The following ATXN3 variants were observed in gnomAD, a reference collection of about 807,000 sequenced individuals.
The protein encoded by ATXN3 is ataxin-3.
Under a neutral mutation model 58.2 loss-of-function variants are expected in ATXN3, and 28 were observed. That is an observed-to-expected ratio of 0.48 (90% CI 0.36 to 0.66). The LOEUF (loss-of-function observed/expected upper bound fraction) is 0.66. Ranked by LOEUF, ATXN3 falls within the 30% of genes least tolerant of loss-of-function variation. ATXN3 has a pLI of 0.00. For missense variants in ATXN3, 321 were observed against 422.1 expected (o/e 0.76, Z 2.10); for synonymous variants, 113 against 138.5 (o/e 0.82, Z 1.29).
downstream of ATXN3, among the ~76,000 whole-genome samples, chr14:92,054,974 C>G (rs992460919): frequency 6.6e-6 from 1 of 152,156 alleles, no homozygotes; most frequent in Admixed American, 6.6e-5. Flanking sequence ...CTCCGCCTCC[C>G]GGGTTCAAGC....
At position 92,097,161 on chromosome 14, in the gene ATXN3, G is replaced by T. The variant is rs1360495984; in HGVS notation, c.25-323C>A. ...CCTGACCTCGTGATCCGCCCGCCTT[G>T]GCCTCCCAAAGTGCTGGGATTACAG... On this transcript the variant is annotated intron_variant, in intron 1 of 10. Transcript: ENST00000644486. Among the ~76,000 whole-genome samples the T allele has an allele frequency of 6.6e-5, 10 of 151,950 alleles. No homozygotes were observed. The East Asian group carries it at 1.4e-3, about 21-fold the overall frequency.
rs8009456 is a variant in ATXN3, at chr14:92,060,085, T to G, written c.*4235A>C. 0.28 allele frequency: 42,485 copies of G among 150,158 alleles called. 6,382 individuals are homozygous for G. Among genetic ancestry groups the G allele is most frequent in the African/African-American group, 0.38 (15,808 of 41,092 alleles). The allele number at this position is 150,158 out of a possible 1,614,324, so 9.3% of individuals were successfully genotyped here. ...TTAAGTTTTGTATTTTTAGTAGAGA[T>G]GGGGTTTCACCATGTTGGCCAGGCT... On this transcript the variant is annotated 3_prime_UTR_variant, in exon 11 of 11. Coordinates refer to ENST00000644486, the MANE Select transcript of ATXN3 (RefSeq NM_004993.6).
chr14:92,090,107 T>C (rs536093584), intron 5 of ATXN3, among the ~76,000 whole-genome samples: 1 of 152,266 alleles, frequency 6.6e-6, no homozygotes, highest in Admixed American at 6.5e-5. Flanking sequence ...CTATCACATA[T>C]AACATATAAA....
intron 5 of ATXN3, among the ~76,000 whole-genome samples, chr14:92,092,609 T>C (rs1047227677): frequency 2.6e-5 from 4 of 152,158 alleles, no homozygotes; most frequent in Non-Finnish European, 5.9e-5. Flanking sequence ...TGACAGAACA[T>C]AGTCATCACA....
chr14:92,059,707 A>T lies in ATXN3; in HGVS notation c.*4613T>A, dbSNP rs1480836545. 6.6e-6 allele frequency: 1 copy of T among 151,678 alleles called. No individual in the cohort carries two copies. Among genetic ancestry groups the T allele is most frequent in the Non-Finnish European group, 1.5e-5 (1 of 67,998 alleles). 9.4% of individuals were successfully genotyped at this position (151,678 alleles called of 1,614,324 possible). On this transcript the variant is annotated 3_prime_UTR_variant, in exon 11 of 11. Transcript: ENST00000644486. Reference sequence around the variant, plus strand: ...GTGGCAGGTGCCTGTAATCCCAGGTACTTGGGAGGCTGAGGCAGGAGAATC... The same window carrying T: ...GTGGCAGGTGCCTGTAATCCCAGGTTCTTGGGAGGCTGAGGCAGGAGAATC...
chr14:92,092,682 A>G (rs1008060279), intron 5 of ATXN3, among the ~76,000 whole-genome samples: 1 of 152,134 alleles, frequency 6.6e-6, no homozygotes, highest in Non-Finnish European at 1.5e-5. Context: ...TTCTTATGAT[A>G]TAGTTAAATT....
rs1206955383 is a variant in ATXN3, at chr14:92,089,330, CTCTTTTTT to C, written c.388-521_388-514del. 1.3e-3 allele frequency among the ~76,000 whole-genome samples: 172 copies of C among 129,576 alleles called. 4 individuals carry two copies. The highest frequency in any genetic ancestry group is 9.8e-3 in the Middle Eastern group (2 of 204). The allele number at this position is 129,576 out of a possible 152,430, so 85.0% of individuals were successfully genotyped here. A position where few individuals can be genotyped will look rare whatever the true frequency, so the allele number is the denominator to read the frequency against. On this transcript the variant is annotated intron_variant, in intron 5 of 10. Transcript: ENST00000644486. ...CACTGCACCTGGCCTCTGCTAAATA[CTCTTTTTT>C]TTTTTTTTTTTTTTTTTTTAGACAG...
chr14:92,071,316 C>T, intron 9 of ATXN3: 1 of 615,870 alleles, frequency 1.6e-6, no homozygotes, highest in Non-Finnish European at 2.9e-6. Context: ...CCTATCATGG[C>T]CAGGAGTGGT....
chr14:92,081,913 T>A (rs1339586827), intron 8 of ATXN3, among the ~76,000 whole-genome samples: 1 of 152,222 alleles, frequency 6.6e-6, no homozygotes, highest in African/African-American at 2.4e-5. Flanking sequence ...GCATAGCCAA[T>A]AAATGTTGGG....
At chr14:92,072,694 TAAAAAAAAAAA>T (rs33967699) in intron 9 of ATXN3, among the ~76,000 whole-genome samples, 57 of 90,992 alleles carry the variant, frequency 6.3e-4, no homozygotes, top group African/African-American at 2.2e-3. Context: ...AGCTATAGGT[TAAAAAAAAAAA>T]AAAAAAAAAA....
At chr14:92,093,648 C>T in intron 4 of ATXN3, 98 bp downstream of exon 4, 1 of 984,222 alleles carries the variant, frequency 1.0e-6, no homozygotes, top group Non-Finnish European at 1.5e-6. Context: ...AACATCAAAA[C>T]AAAAGTATTC....
At chr14:92,083,596 C>T (rs1236213942) in intron 6 of ATXN3, 3 of 395,506 alleles carry the variant, frequency 7.6e-6, no homozygotes, top group African/African-American at 6.2e-5. Context: ...TGGGTAACAG[C>T]AACTGATTTA....
At position 92,093,834 on chromosome 14, in the gene ATXN3, G is replaced by GT. The variant is rs1165345633; in HGVS notation, c.235-4dup. 6.3e-7 allele frequency: 1 copy of GT among 1,591,674 alleles called. No individual in the cohort carries two copies. Among genetic ancestry groups the GT allele is most frequent in the Non-Finnish European group, 8.6e-7 (1 of 1,161,800 alleles). ...ACTTTCAAGGCATTGCTTATAACCTGTTAAGAAAAATAGCAACTTTTCATA... is the reference window on the plus strand; with the variant it reads ...ACTTTCAAGGCATTGCTTATAACCTGTTTAAGAAAAATAGCAACTTTTCATA... On this transcript the variant is annotated splice_polypyrimidine_tract_variant and splice_region_variant and intron_variant, in intron 3 of 10. Transcript: ENST00000644486.
At chr14:92,095,051 G>A (rs6575228) in intron 3 of ATXN3, among the ~76,000 whole-genome samples, 77,593 of 150,648 alleles carry the variant, frequency 0.52, 20,847 homozygotes, top group African/African-American at 0.68. Context: ...AGAATCTTGC[G>A]AGTACATATA....
At chr14:92,074,860 G>GT (rs537273938) in intron 9 of ATXN3, among the ~76,000 whole-genome samples, 1 of 152,148 alleles carries the variant, frequency 6.6e-6, no homozygotes, top group African/African-American at 2.4e-5. Context: ...TGCAACTTAT[G>GT]TTTTTTGTAA....
At chr14:92,096,057 G>A (rs1385860553) in intron 3 of ATXN3, 36 bp downstream of exon 3, 8 of 1,404,918 alleles carry the variant, frequency 5.7e-6, no homozygotes, top group African/African-American at 4.4e-5. Flanking sequence ...TGCCTGGGAT[G>A]TAAGCAACAC....
Position 92,093,324 on chromosome 14 carries a change from A to G in ATXN3, c.321-6T>C. ...ATATAAATGATCTTTCATTTCTAAA[A>G]AAGAAAACAGACAATATTAACTTGA... On this transcript the variant is annotated splice_region_variant and splice_polypyrimidine_tract_variant and intron_variant, in intron 4 of 10. Coordinates refer to ENST00000644486, the MANE Select transcript of ATXN3 (RefSeq NM_004993.6). 3 of 1,342,388 alleles carry G rather than the reference A, an allele frequency of 2.2e-6. No homozygotes were observed. Among genetic ancestry groups the G allele is most frequent in the Middle Eastern group, 2.0e-4 (1 of 5,096 alleles). The allele number at this position is 1,342,388 out of a possible 1,614,324, so 83.2% of individuals were successfully genotyped here.
intron 6 of ATXN3, among the ~76,000 whole-genome samples, chr14:92,084,908 T>C (rs768023930): frequency 1.5e-4 from 23 of 152,186 alleles, no homozygotes; most frequent in Non-Finnish European, 4.4e-5. Context: ...GTGTTTGTTA[T>C]TGGATATCCT....
Position 92,080,950 on chromosome 14 carries a change from T to C in ATXN3, c.872+15A>G. ...ATATTAAACATGCTACTTTAACTTG[T>C]ACCAACTACTTTACTTTTCAAAGTA... On this transcript the variant is annotated intron_variant, in intron 9 of 10. Transcript: ENST00000644486. The C allele has an allele frequency of 6.3e-7, 1 of 1,576,046 alleles. No homozygotes were observed. The highest frequency in any genetic ancestry group is 8.7e-7 in the Non-Finnish European group (1 of 1,146,010).
Sources: gnomAD v4.1 joint callset for allele counts (sites outside exome capture counted in the v4.1 genomes callset) on GRCh38, gnomAD v4.1.1 for gene constraint, MANE v1.5 for transcripts, NCBI Gene and HGNC (gene_info 2026-07-23, HGNC 2026-07-21) for gene names.